The following APOBEC1 variants were observed in gnomAD, a reference collection of about 807,000 sequenced individuals.
APOBEC1 encodes apolipoprotein B mRNA editing enzyme catalytic subunit 1.
Under a neutral mutation model 26.3 loss-of-function variants are expected in APOBEC1, and 22 were observed. The ratio of observed to expected loss-of-function variants is 0.84; its 90% CI spans 0.60 to 1.19. The LOEUF (loss-of-function observed/expected upper bound fraction) is 1.19. Ranked by LOEUF, APOBEC1 falls within the 50% of genes most tolerant of loss-of-function variation. APOBEC1 has a pLI of 0.00. For synonymous variants in APOBEC1, 77 were observed against 95.3 expected (o/e 0.81, Z 1.12); for missense variants, 253 against 289.0 (o/e 0.88, Z 0.90).
At chr12:7,669,195 CTTT>C (rs201005757), upstream of APOBEC1, among the ~76,000 whole-genome samples, 1 of 140,992 alleles carries the variant, frequency 7.1e-6, no homozygotes. Context: ...TCAGCTTTTC[CTTT>C]TTTTTTTTTT....
Position 7,657,710 on chromosome 12 carries a change from C to T in APOBEC1, c.17-3078G>A, listed in dbSNP as rs373290045. On this transcript the variant is annotated intron_variant, in intron 1 of 4. Coordinates refer to ENST00000229304, the MANE Select transcript of APOBEC1 (RefSeq NM_001644.5). ...TAAAATGGGGAAATTTCCGTCTCTA[C>T]AAAAAGATACAGAAGTTTAACCAGC... Among the ~76,000 whole-genome samples, 303 of 152,018 alleles carry T rather than the reference C, an allele frequency of 2.0e-3. 3 individuals are homozygous for T. The highest frequency in any genetic ancestry group is 6.3e-3 in the African/African-American group (262 of 41,478).
intron 1 of APOBEC1, among the ~76,000 whole-genome samples, chr12:7,655,511 TAAAA>T (rs911208585): frequency 7.2e-6 from 1 of 139,748 alleles, no homozygotes; most frequent in African/African-American, 2.6e-5. Context: ...CAAGACTCCT[TAAAA>T]AAAAAAAAAG....
chr12:7,660,929 C>G (rs951874782), intron 1 of APOBEC1, among the ~76,000 whole-genome samples: 64 of 151,076 alleles, frequency 4.2e-4, no homozygotes, highest in African/African-American at 1.3e-3. Flanking sequence ...CATGGTGGCT[C>G]ACACCTCTAA....
At chr12:7,656,827 C>T (rs1477906452) in intron 1 of APOBEC1, among the ~76,000 whole-genome samples, 1 of 152,192 alleles carries the variant, frequency 6.6e-6, no homozygotes, top group Non-Finnish European at 1.5e-5. Context: ...GGCAGCCTTT[C>T]AGAGGGTTAG....
rs1163730869 is a variant in APOBEC1, at chr12:7,659,294, C to CAAAA, written c.17-4666_17-4663dup. Among the ~76,000 whole-genome samples the CAAAA allele has an allele frequency of 7.3e-4, 12 of 16,542 alleles. 1 individual carries two copies. The highest frequency in any genetic ancestry group is 1.9e-3 in the East Asian group (1 of 532). 10.9% of individuals were successfully genotyped at this position (16,542 alleles called of 152,430 possible). On this transcript the variant is annotated intron_variant, in intron 1 of 4. Coordinates refer to ENST00000229304, the MANE Select transcript of APOBEC1 (RefSeq NM_001644.5). ...GGGCAACAAGAGTGAAACTCCCTCT[C>CAAAA]AAAAAAAAAAAAAAAAAAAAAAAAA...
At chr12:7,664,626 C>T (rs776404094) in intron 1 of APOBEC1, among the ~76,000 whole-genome samples, 6 of 152,262 alleles carry the variant, frequency 3.9e-5, no homozygotes, top group Admixed American at 6.5e-5. Flanking sequence ...CCAAAGTCTG[C>T]CCTTCTGGCC....
upstream of APOBEC1, among the ~76,000 whole-genome samples, chr12:7,669,727 C>T (rs373815530): frequency 7.2e-5 from 11 of 151,964 alleles, no homozygotes; most frequent in East Asian, 1.9e-3. Flanking sequence ...GAAGAAAATG[C>T]CAAATTGTTG....
chr12:7,651,614 A>G (rs1323870506), intron 3 of APOBEC1, among the ~76,000 whole-genome samples: 1 of 13,906 alleles, frequency 7.2e-5, no homozygotes, highest in Non-Finnish European at 1.2e-3. Flanking sequence ...TCCGTCTCAA[A>G]AAAAAAAAAA....
At chr12:7,660,334 G>GGGAAGGAAGGAAGGAAGGAAGGAAGGAA (rs756648758) in intron 1 of APOBEC1, among the ~76,000 whole-genome samples, 3 of 35,754 alleles carry the variant, frequency 8.4e-5, no homozygotes, top group Non-Finnish European at 2.1e-4. Context: ...AAGGAAGGAA[G>GGGAAGGAAGGAAGGAAGGAAGGAAGGAA]GGAAGGAAGG....
At chr12:7,653,123 G>A (rs369728515) in intron 2 of APOBEC1, among the ~76,000 whole-genome samples, 10 of 151,838 alleles carry the variant, frequency 6.6e-5, no homozygotes, top group Non-Finnish European at 1.3e-4. Flanking sequence ...GTAGAGACGG[G>A]GTTTCACCAT....
chr12:7,666,913 CT>C (rs111464102), upstream of APOBEC1, among the ~76,000 whole-genome samples: 17,735 of 142,286 alleles, frequency 0.12, 1,028 homozygotes, highest in Middle Eastern at 0.19. Flanking sequence ...CACTTCTGCC[CT>C]TTTTTTTTTT....
chr12:7,659,349 ATG>A (rs199766244), intron 1 of APOBEC1, among the ~76,000 whole-genome samples: 5,611 of 93,374 alleles, frequency 0.06, 332 homozygotes, highest in South Asian at 0.081. Context: ...ATATATATAT[ATG>A]TTTATATTTG....
At chr12:7,661,037 C>CAA (rs764452957) in intron 1 of APOBEC1, among the ~76,000 whole-genome samples, 11,745 of 90,856 alleles carry the variant, frequency 0.13, 627 homozygotes, top group South Asian at 0.22. Context: ...ACTAAAAATA[C>CAA]AAAAAAAAAA....
intron 4 of APOBEC1, among the ~76,000 whole-genome samples, chr12:7,650,785 G>A (rs775732969): frequency 3.3e-5 from 5 of 152,288 alleles, no homozygotes; most frequent in Admixed American, 1.3e-4. Context: ...GCATATTGGC[G>A]TGATCATAGC....
chr12:7,655,955 G>T (rs1483556911), intron 1 of APOBEC1, among the ~76,000 whole-genome samples: 4 of 152,026 alleles, frequency 2.6e-5, no homozygotes, highest in Non-Finnish European at 5.9e-5. Flanking sequence ...ACATAGCCTG[G>T]GTGATACAGT....
intron 1 of APOBEC1, among the ~76,000 whole-genome samples, chr12:7,662,223 AT>A (rs1320665956): frequency 1.3e-5 from 2 of 152,162 alleles, no homozygotes; most frequent in African/African-American, 4.8e-5. Context: ...CATGATCGCC[AT>A]TGCACTCCAG....
At chr12:7,659,498 A>G (rs1422040652) in intron 1 of APOBEC1, among the ~76,000 whole-genome samples, 2 of 151,280 alleles carry the variant, frequency 1.3e-5, no homozygotes, top group African/African-American at 4.9e-5. Flanking sequence ...CTACACACCT[A>G]TCAGAATGGC....
upstream of APOBEC1, chr12:7,666,053 A>C: frequency 1.4e-6 from 1 of 704,248 alleles, no homozygotes; most frequent in South Asian, 1.6e-5. Flanking sequence ...TGAGAGGGAC[A>C]TTATCGTGGG....
At position 7,652,680 on chromosome 12, in the gene APOBEC1, A is replaced by G; in HGVS notation, c.200T>C (p.Ile67Thr). ...NTTNHVEVNF[I>T]KKFTSERDFH... ...ATCTCTTTCTGACGTAAATTTTTTT[A>G]TAAAATTAACTTCCACGTGATTGGT... The change falls in exon 3 of 5, where the codon ATA becomes ACA. Residue 67 changes from isoleucine (I) to threonine (T), a missense_variant. By Grantham distance (89) the Ile-to-Thr change is moderately conservative. Transcript: ENST00000229304. The G allele has an allele frequency of 1.2e-6, 2 of 1,614,078 alleles. No homozygotes were observed. Among genetic ancestry groups the G allele is most frequent in the Non-Finnish European group, 1.7e-6 (2 of 1,179,990 alleles).
Sources: gnomAD v4.1 joint callset for allele counts (sites outside exome capture counted in the v4.1 genomes callset) on GRCh38, gnomAD v4.1.1 for gene constraint, MANE v1.5 for transcripts, NCBI Gene and HGNC (gene_info 2026-07-23, HGNC 2026-07-21) for gene names.